FAT3: variants seen among roughly 807,000 people sequenced by gnomAD.
The protein encoded by FAT3 is FAT atypical cadherin 3.
Under a neutral mutation model 310.2 loss-of-function variants are expected in FAT3, and 95 were observed. The ratio of observed to expected loss-of-function variants is 0.31; its 90% CI spans 0.26 to 0.36. The LOEUF is 0.36. Among genes scored for constraint, FAT3 ranks in the 10% least tolerant of loss-of-function variants. FAT3 has a pLI of 1.00. For synonymous variants in FAT3, 2,314 were observed against 2,192.9 expected, an observed-to-expected ratio of 1.06 and a Z score of -1.54; for missense variants, 5,408 against 5,715.6, an observed-to-expected ratio of 0.95 and a Z score of 1.74.
At chr11:92,505,664 C>T (rs1953078001) in intron 2 of FAT3, among the ~76,000 whole-genome samples, 1 of 152,102 alleles carries the variant, frequency 6.6e-6, no homozygotes, top group South Asian at 2.1e-4. Context: ...CCTCCTGGGA[C>T]TAACTAGGTG....
At chr11:92,666,195 A>C (rs2135808723) in intron 3 of FAT3, among the ~76,000 whole-genome samples, 1 of 152,344 alleles carries the variant, frequency 6.6e-6, no homozygotes, top group African/African-American at 2.4e-5. Context: ...TAGTAAAAGT[A>C]GTAAACTAGG....
chr11:92,823,121 T>C (rs916966497), intron 13 of FAT3, among the ~76,000 whole-genome samples: 1 of 152,138 alleles, frequency 6.6e-6, no homozygotes, highest in Non-Finnish European at 1.5e-5. Flanking sequence ...TCCTTCTTTG[T>C]ATCCCCAGTG....
chr11:92,517,553 A>G (rs1953528709), intron 2 of FAT3, among the ~76,000 whole-genome samples: 1 of 152,216 alleles, frequency 6.6e-6, no homozygotes, highest in South Asian at 2.1e-4. Flanking sequence ...CATTCAGGAC[A>G]TAGGCATGGG....
At chr11:92,425,098 A>G (rs1235696553) in intron 2 of FAT3, among the ~76,000 whole-genome samples, 1 of 152,084 alleles carries the variant, frequency 6.6e-6, no homozygotes, top group Non-Finnish European at 1.5e-5. Flanking sequence ...GTTTTGAGTT[A>G]TTTCTTTTTG....
chr11:92,621,329 G>A (rs1327837521), intron 3 of FAT3, among the ~76,000 whole-genome samples: 1 of 152,008 alleles, frequency 6.6e-6, no homozygotes, highest in Non-Finnish European at 1.5e-5. Flanking sequence ...CAGAAGGTGG[G>A]GAGAAGGAAA....
At chr11:92,698,441 T>C (rs958266674) in intron 4 of FAT3, among the ~76,000 whole-genome samples, 1 of 152,200 alleles carries the variant, frequency 6.6e-6, no homozygotes, top group Non-Finnish European at 1.5e-5. Context: ...CTTGAAGCTA[T>C]TTAATTGCCT....
At chr11:92,797,320 G>A (rs935097676) in intron 9 of FAT3, among the ~76,000 whole-genome samples, 1 of 152,164 alleles carries the variant, frequency 6.6e-6, no homozygotes, top group Admixed American at 6.6e-5. Flanking sequence ...ATTCCATGTA[G>A]CGAAGTTTGC....
intron 4 of FAT3, among the ~76,000 whole-genome samples, chr11:92,730,735 A>C (rs1396460003): frequency 6.6e-6 from 1 of 152,196 alleles, no homozygotes; most frequent in Non-Finnish European, 1.5e-5. Context: ...CATGTGTCAA[A>C]ATTCTGCTTA....
chr11:92,674,877 A>T (rs1363064409), intron 3 of FAT3, among the ~76,000 whole-genome samples: 1 of 152,188 alleles, frequency 6.6e-6, no homozygotes, highest in South Asian at 2.1e-4. Flanking sequence ...AAAAATGCAC[A>T]TAATGAGGAT....
At chr11:92,468,295 T>G (rs2135138827) in intron 2 of FAT3, among the ~76,000 whole-genome samples, 1 of 152,332 alleles carries the variant, frequency 6.6e-6, no homozygotes, top group East Asian at 1.9e-4. Flanking sequence ...AATTTGAGAT[T>G]CCATTCTCTT....
chr11:92,842,480 C>G (rs1209957349), intron 18 of FAT3, among the ~76,000 whole-genome samples: 1 of 152,234 alleles, frequency 6.6e-6, no homozygotes, highest in Non-Finnish European at 1.5e-5. Context: ...CAAGTTCAGT[C>G]TCATCTGCTA....
intron 2 of FAT3, among the ~76,000 whole-genome samples, chr11:92,464,872 G>A (rs756383023): frequency 6.0e-4 from 91 of 152,168 alleles, no homozygotes; most frequent in South Asian, 1.2e-3. Flanking sequence ...TGTTTGAGAG[G>A]ACCATGCCAT....
intron 2 of FAT3, among the ~76,000 whole-genome samples, chr11:92,437,644 T>A (rs1275698765): frequency 2.0e-5 from 3 of 152,142 alleles, no homozygotes; most frequent in Non-Finnish European, 4.4e-5. Flanking sequence ...TCAACAGGTG[T>A]CAGTGATGGG....
chr11:92,610,740 G>A (rs1051456262), intron 3 of FAT3, among the ~76,000 whole-genome samples: 1 of 152,054 alleles, frequency 6.6e-6, no homozygotes, highest in Non-Finnish European at 1.5e-5. Context: ...TATTTCTTTA[G>A]TGTTTTCTTC....
intron 2 of FAT3, among the ~76,000 whole-genome samples, chr11:92,441,243 G>T (rs1367438185): frequency 6.6e-6 from 1 of 152,138 alleles, no homozygotes; most frequent in East Asian, 1.9e-4. Flanking sequence ...TTAGACTCTA[G>T]AACTATTTTT....
At chr11:92,429,295 C>T (rs1392855234) in intron 2 of FAT3, among the ~76,000 whole-genome samples, 1 of 152,064 alleles carries the variant, frequency 6.6e-6, no homozygotes, top group Non-Finnish European at 1.5e-5. Context: ...GATGGGTCTC[C>T]TGAATACAGC....
In FAT3 at chr11:92,444,323, T is replaced by C. The variant is rs995597524; in HGVS notation, c.3293-80311T>C. Among the ~76,000 whole-genome samples the C allele has an allele frequency of 9.5e-4, 55 of 57,626 alleles. No individual in the cohort carries two copies. The Admixed American group carries it at 0.011, about 11-fold the overall frequency. 37.8% of individuals were successfully genotyped at this position (57,626 alleles called of 152,430 possible). On this transcript the variant is annotated intron_variant, in intron 2 of 27. Transcript: ENST00000525166. ...AGCCCCCAGAGGTTAAGTCACATCA[T>C]TATGAAGAAGAAGATCAGAAGATCT...
chr11:92,593,727 G>A (rs947246377), intron 3 of FAT3, among the ~76,000 whole-genome samples: 21 of 152,252 alleles, frequency 1.4e-4, no homozygotes, highest in Admixed American at 5.2e-4. Flanking sequence ...TCACATGAAA[G>A]GAGTCCCAAG....
In FAT3 at chr11:92,836,656, C is replaced by G; in HGVS notation, c.10177C>G (p.Pro3393Ala). ...GDRDNEFTVD[P>A]VLGLVKVKKK... ...TCGGGACAATGAATTTACTGTAGAT[C>G]CTGTCTTGGGACTTGTGAAAGTTAA... Residue 3393 changes from proline to alanine, a missense_variant, in exon 16 of 28, where the codon CCT (proline) becomes GCT (alanine). Physicochemically the swap from Pro to Ala is conservative, Grantham distance 27 (BLOSUM62 -1). This residue lies in a region of FAT3 where 4,588 missense variants were observed against 4,809.8 expected (regional missense o/e 0.95). Transcript: ENST00000525166. 1.2e-6 allele frequency: 2 copies of G among 1,613,666 alleles called. No homozygotes were observed. Among genetic ancestry groups the G allele is most frequent in the Non-Finnish European group, 1.7e-6 (2 of 1,179,720 alleles).
Sources: gnomAD v4.1 joint callset for allele counts (sites outside exome capture counted in the v4.1 genomes callset) on GRCh38, gnomAD v4.1.1 for gene constraint, gnomAD v4.1.1 regional missense constraint, MANE v1.5 for transcripts, NCBI Gene and HGNC (gene_info 2026-07-23, HGNC 2026-07-21) for gene names.